Variants in OTOF observed in about 807,000 individuals in gnomAD.
OTOF encodes fer-1-like family member 2.
OTOF carries 218 observed loss-of-function variants against 236.8 expected under a neutral mutation model. The observed-to-expected ratio is 0.92, with a 90% CI of 0.82 to 1.03. OTOF has a LOEUF of 1.03. OTOF is among the 50% of genes least tolerant of loss of function. OTOF has a pLI of 0.00. For missense variants in OTOF, 2,590 were observed against 2,694.4 expected (o/e 0.96, Z 0.86); for synonymous variants, 1,041 against 1,072.5 (o/e 0.97, Z 0.57).
intron 1 of OTOF, among the ~76,000 whole-genome samples, chr2:26,540,437 G>A (rs1254187401): frequency 6.6e-6 from 1 of 152,152 alleles, no homozygotes; most frequent in East Asian, 1.9e-4. Flanking sequence ...GTACTGGAGG[G>A]GTCAGAGCTC....
chr2:26,462,023 C>A lies in OTOF; in HGVS notation c.5291+60G>T. 1 of 1,611,592 alleles carries A rather than the reference C, an allele frequency of 6.2e-7. No individual in the cohort carries two copies. The highest frequency in any genetic ancestry group is 8.5e-7 in the Non-Finnish European group (1 of 1,178,414). On this transcript the variant is annotated intron_variant, in intron 42 of 46. Transcript: ENST00000272371. The surrounding 1 kb of genome is among the most constrained non-coding windows in gnomAD (Gnocchi z 4.7). ...CACCTTCCCTCTGCCTCCTCTCCTGCCCCCCGGGAAGCAAGCCCCACCCAG... is the reference window on the plus strand; with the variant it reads ...CACCTTCCCTCTGCCTCCTCTCCTGACCCCCGGGAAGCAAGCCCCACCCAG...
intron 1 of OTOF, among the ~76,000 whole-genome samples, chr2:26,547,955 A>G (rs955363617): frequency 6.6e-6 from 1 of 152,188 alleles, no homozygotes; most frequent in East Asian, 1.9e-4. Context: ...TACAAATTCA[A>G]TTTCTTTAAT....
intron 4 of OTOF, among the ~76,000 whole-genome samples, chr2:26,517,328 C>T (rs574929443): frequency 1.3e-5 from 2 of 152,322 alleles, no homozygotes; most frequent in South Asian, 2.1e-4. Context: ...GTGCCCCAGA[C>T]AGGCGGCCCT....
rs553254398 is a variant in OTOF, at chr2:26,469,650, C to T, written c.4023+943G>A. Among the ~76,000 whole-genome samples, 9 of 152,322 alleles carry T rather than the reference C, an allele frequency of 5.9e-5. No homozygotes were observed. In the South Asian group the frequency reaches 1.9e-3, roughly 32 times the overall value. On this transcript the variant is annotated intron_variant, in intron 32 of 46. Transcript: ENST00000272371. The stretch of plus-strand genomic sequence containing the variant: ...GTCACCTCCAACCTTACAGATGTGA[C>T]AAACAAGAGGTCAGGATCTTAGTCC...
chr2:26,514,216 CTG>C (rs1233253287), intron 5 of OTOF, among the ~76,000 whole-genome samples: 1 of 152,286 alleles, frequency 6.6e-6, no homozygotes, highest in African/African-American at 2.4e-5. Flanking sequence ...AGCAGGGAAA[CTG>C]TGCTCCTGCA....
chr2:26,538,597 T>A (rs1031323828), intron 1 of OTOF, among the ~76,000 whole-genome samples: 8 of 152,142 alleles, frequency 5.3e-5, no homozygotes, highest in Admixed American at 2.0e-4. Flanking sequence ...CAGGAGAGAA[T>A]CGAGGGCAGG....
At chr2:26,505,412 T>TACAC (rs10550936) in intron 5 of OTOF, among the ~76,000 whole-genome samples, 46,020 of 150,070 alleles carry the variant, frequency 0.31, 7,915 homozygotes, top group South Asian at 0.39. Context: ...GGAGGTGAGT[T>TACAC]ACACACACAC....
chr2:26,484,386 A>G, intron 12 of OTOF, 88 bp downstream of exon 12: 7 of 1,373,494 alleles, frequency 5.1e-6, no homozygotes, highest in Non-Finnish European at 6.2e-6. Flanking sequence ...GACGGGTGGC[A>G]GGTGCTCTCA....
intron 39 of OTOF, among the ~76,000 whole-genome samples, chr2:26,464,546 G>C (rs1317441333): frequency 6.6e-6 from 1 of 152,188 alleles, no homozygotes; most frequent in Non-Finnish European, 1.5e-5. Context: ...TGCCTCTAAA[G>C]AGCCACATGA....
At position 26,487,032 on chromosome 2, in the gene OTOF, G is replaced by A. The variant is rs547277799; in HGVS notation, c.1045+2179C>T. Among the ~76,000 whole-genome samples the A allele has an allele frequency of 1.2e-4, 19 of 152,226 alleles. No homozygotes were observed. In the South Asian group the frequency reaches 2.5e-3, roughly 20 times the overall value. Reference sequence around the variant, plus strand: ...ATCTATGAGGATGAGTGTATGGCCCGTCCTCACCCCCAACAGAGAGTAGCA... The same window carrying A: ...ATCTATGAGGATGAGTGTATGGCCCATCCTCACCCCCAACAGAGAGTAGCA... On this transcript the variant is annotated intron_variant, in intron 11 of 46. Coordinates refer to ENST00000272371, the MANE Select transcript of OTOF (RefSeq NM_194248.3).
At chr2:26,482,305 C>G (rs912487566) in intron 14 of OTOF, 101 bp downstream of exon 14, 1 of 1,153,144 alleles carries the variant, frequency 8.7e-7, no homozygotes, top group African/African-American at 1.5e-5. Flanking sequence ...GGCTGAGGAC[C>G]AGAGCTGATG....
chr2:26,551,324 G>C (rs1041131667), intron 1 of OTOF, among the ~76,000 whole-genome samples: 1 of 152,108 alleles, frequency 6.6e-6, no homozygotes, highest in African/African-American at 2.4e-5. Flanking sequence ...AATGAGCTGC[G>C]ACCCTTCAAG....
chr2:26,558,138 G>A (rs1003788782), intron 1 of OTOF, among the ~76,000 whole-genome samples: 1 of 151,870 alleles, frequency 6.6e-6, no homozygotes. Flanking sequence ...AAATCAACCT[G>A]CAGGAGAGGG....
chr2:26,464,935 GC>G lies in OTOF; in HGVS notation c.4893del (p.Pro1633LeufsTer4). On this transcript the variant is annotated frameshift_variant, in exon 39 of 47. Transcript: ENST00000272371. LOFTEE classifies it high-confidence loss of function. ...TTGGCCACCTTCACTCTCCCAGGGG[GC>G]CCAAAGTGGGGGCCGTCCACTTTGC... ...KDGKVDGPHF[G>X]PPGRVKVANR... 1 of 1,582,214 alleles carries G rather than the reference GC, an allele frequency of 6.3e-7. No individual in the cohort carries two copies. Among genetic ancestry groups the G allele is most frequent in the Non-Finnish European group, 8.6e-7 (1 of 1,163,918 alleles).
At chr2:26,536,436 G>A (rs1184292984) in intron 2 of OTOF, among the ~76,000 whole-genome samples, 1 of 152,158 alleles carries the variant, frequency 6.6e-6, no homozygotes, top group Non-Finnish European at 1.5e-5. Flanking sequence ...CAGGGAGGTC[G>A]TGGCAACTGC....
intron 1 of OTOF, among the ~76,000 whole-genome samples, chr2:26,544,262 T>A (rs1667277569): frequency 6.6e-6 from 1 of 152,232 alleles, no homozygotes; most frequent in South Asian, 2.1e-4. Context: ...AATAAATGCA[T>A]TTCCCTGTAT....
At chr2:26,513,350 TG>T (rs1268871191) in intron 5 of OTOF, among the ~76,000 whole-genome samples, 1 of 152,106 alleles carries the variant, frequency 6.6e-6, no homozygotes, top group Non-Finnish European at 1.5e-5. Context: ...AGGGCAGGGC[TG>T]GGGGGTGGAC....
At chr2:26,555,211 C>T (rs913099508) in intron 1 of OTOF, among the ~76,000 whole-genome samples, 2 of 152,166 alleles carry the variant, frequency 1.3e-5, no homozygotes, top group Non-Finnish European at 2.9e-5. Context: ...CTTAGATAGC[C>T]CACTCTTGAT....
At chr2:26,550,602 C>A (rs749226124) in intron 1 of OTOF, among the ~76,000 whole-genome samples, 3 of 152,130 alleles carry the variant, frequency 2.0e-5, no homozygotes, top group African/African-American at 7.2e-5. Context: ...AGATGAGAAT[C>A]AACTAAGGCC....
Sources: gnomAD v4.1 joint callset for allele counts (sites outside exome capture counted in the v4.1 genomes callset) on GRCh38, gnomAD v4.1.1 for gene constraint, Gnocchi (gnomAD v3.1) non-coding constraint, MANE v1.5 for transcripts, NCBI Gene and HGNC (gene_info 2026-07-23, HGNC 2026-07-21) for gene names.